PLCG1: variants seen among roughly 807,000 people sequenced by gnomAD.
PLCG1 encodes phospholipase C gamma 1, also known as 1-phosphatidylinositol 4,5-bisphosphate phosphodiesterase gamma-1.
PLCG1 carries 71 observed loss-of-function variants against 177.8 expected under a neutral mutation model. The ratio of observed to expected loss-of-function variants is 0.40; its 90% CI spans 0.33 to 0.49. The LOEUF is 0.49. PLCG1 is among the 20% of genes least tolerant of loss of function. The pLI is 0.72. For synonymous variants in PLCG1, 658 were observed against 647.9 expected, an observed-to-expected ratio of 1.02 and a Z score of -0.24; for missense variants, 1,281 against 1,709.0, an observed-to-expected ratio of 0.75 and a Z score of 4.42.
chr20:41,168,680 AGCACATGTGTGTGT>A, intron 20 of PLCG1, 73 bp from the exon 21 acceptor site: 1 of 784,406 alleles, frequency 1.3e-6, no homozygotes, highest in Non-Finnish European at 2.2e-6. Flanking sequence ...GGGAAGCCCA[AGCACATGTGTGTGT>A]GCACATGAAG....
chr20:41,140,045 A>C (rs1434796255), intron 1 of PLCG1, among the ~76,000 whole-genome samples: 1 of 152,120 alleles, frequency 6.6e-6, no homozygotes, highest in East Asian at 1.9e-4. Flanking sequence ...ATCATGCCTC[A>C]TGTATTTGGG....
rs367909005 is a variant in PLCG1, at chr20:41,163,862, G to C, written c.1010+29G>C. The C allele has an allele frequency of 3.7e-5, 59 of 1,610,068 alleles. No individual in the cohort carries two copies. The highest frequency in any genetic ancestry group is 1.6e-4 in the Middle Eastern group (1 of 6,072). On this transcript the variant is annotated intron_variant, in intron 10 of 31. Transcript: ENST00000685551. The surrounding 1 kb of genome is among the most constrained non-coding windows in gnomAD (Gnocchi z 5.2). ...AGTGTGGCTCCTTCAGGCCCACCCA[G>C]CTTCTTCCCCAGGAGGGCCCATCTG...
Position 41,159,468 on chromosome 20 carries a change from T to C in PLCG1, c.218-138T>C. ...CAACCCAGCCCTCTTATTACCAGAG[T>C]GACTGAGTGGTCTTGGCTCTGCCTC... On this transcript the variant is annotated intron_variant, in intron 1 of 31. Coordinates refer to ENST00000685551, the MANE Select transcript of PLCG1 (RefSeq NM_002660.3). This position sits in a 1 kb window ranked among gnomAD's most constrained non-coding sequence, Gnocchi z 6.0. The C allele has an allele frequency of 1.3e-6, 1 of 772,914 alleles. No homozygotes were observed. The highest frequency in any genetic ancestry group is 1.8e-5 in the South Asian group (1 of 54,178). The allele number at this position is 772,914 out of a possible 1,614,324, so 47.9% of individuals were successfully genotyped here.
chr20:41,150,508 C>CA lies in PLCG1; in HGVS notation c.218-9097dup, dbSNP rs2035133428. ...GGCCATCTAGAAAGAACTTAGGCAG[C>CA]ATCAGTCTGCAAGGGAGGCAGAGTT... On this transcript the variant is annotated intron_variant, in intron 1 of 31. Coordinates refer to ENST00000685551, the MANE Select transcript of PLCG1 (RefSeq NM_002660.3). The surrounding 1 kb of genome is among the most constrained non-coding windows in gnomAD (Gnocchi z 4.0). 6.6e-6 allele frequency among the ~76,000 whole-genome samples: 1 copy of CA among 152,198 alleles called. No individual in the cohort carries two copies. The highest frequency in any genetic ancestry group is 2.4e-5 in the African/African-American group (1 of 41,518).
Position 41,172,029 on chromosome 20 carries a change from G to C in PLCG1, c.2809-164G>C, listed in dbSNP as rs2035917529. ...TGATTTCAGGATGAGGCTGAGGACAGAGCTCCCTCATTTACTGTTGGGTGT... is the reference window on the plus strand; with the variant it reads ...TGATTTCAGGATGAGGCTGAGGACACAGCTCCCTCATTTACTGTTGGGTGT... On this transcript the variant is annotated intron_variant, in intron 24 of 31. Transcript: ENST00000685551. The surrounding 1 kb of genome is among the most constrained non-coding windows in gnomAD (Gnocchi z 7.0). Among the ~76,000 whole-genome samples, 1 of 152,228 alleles carries C rather than the reference G, an allele frequency of 6.6e-6. No individual in the cohort carries two copies. Among genetic ancestry groups the C allele is most frequent in the Non-Finnish European group, 1.5e-5 (1 of 68,048 alleles).
In PLCG1 at chr20:41,165,701, G is replaced by T. The variant is rs2035661251; in HGVS notation, c.1674G>T (p.Gly558=). The part of the protein sequence containing the change: ...EKWFHGKLGA[G]RDGRHIAERL... ...GGTTCCATGGGAAGCTAGGGGCAGG[G>T]CGTGACGGGCGTCACATCGCTGAGC... Residue 558 remains glycine (G), a synonymous_variant, in exon 16 of 32, where the codon GGG becomes GGT. Coordinates refer to ENST00000685551, the MANE Select transcript of PLCG1 (RefSeq NM_002660.3). The surrounding 1 kb of genome is among the most constrained non-coding windows in gnomAD (Gnocchi z 6.6). 6.2e-7 allele frequency: 1 copy of T among 1,613,956 alleles called. No homozygotes were observed. The highest frequency in any genetic ancestry group is 8.5e-7 in the Non-Finnish European group (1 of 1,179,948).
At position 41,174,481 on chromosome 20, in the gene PLCG1, C is replaced by T; in HGVS notation, c.3848C>T (p.Thr1283Ile). 1.3e-6 allele frequency: 2 copies of T among 1,586,776 alleles called. No homozygotes were observed. Among genetic ancestry groups the T allele is most frequent in the Non-Finnish European group, 1.7e-6 (2 of 1,164,422 alleles). The stretch of plus-strand genomic sequence containing the variant: ...CTTCTGTCCAGGGCCCCAAGAAGGA[C>T]TCGGGTCAATGGAGACAACCGCCTC... Reference protein sequence around the residue: ...DSRERRAPRRTRVNGDNRL With the variant: ...DSRERRAPRRIRVNGDNRL The change falls in exon 32 of 32, where the codon ACT becomes ATT. Residue 1283 changes from threonine to isoleucine, a missense_variant. Coordinates refer to ENST00000685551, the MANE Select transcript of PLCG1 (RefSeq NM_002660.3). This position sits in a 1 kb window ranked among gnomAD's most constrained non-coding sequence, Gnocchi z 5.8.
In PLCG1 at chr20:41,137,880, C is replaced by T. The variant is rs574240103; in HGVS notation, c.217+22C>T. 53 of 1,245,086 alleles carry T rather than the reference C, an allele frequency of 4.3e-5. 1 individual carries two copies. In the African/African-American group the frequency reaches 7.9e-4, roughly 19 times the overall value. 77.1% of individuals were successfully genotyped at this position (1,245,086 alleles called of 1,614,324 possible). On this transcript the variant is annotated intron_variant, in intron 1 of 31. Coordinates refer to ENST00000685551, the MANE Select transcript of PLCG1 (RefSeq NM_002660.3). The surrounding 1 kb of genome is among the most constrained non-coding windows in gnomAD (Gnocchi z 7.3). Reference sequence around the variant, plus strand: ...GCCAGTAAGTGCGCCCACTTCCTGCCTGGGCCCGCCCCGCGCGGGGGTCGT... The same window carrying T: ...GCCAGTAAGTGCGCCCACTTCCTGCTTGGGCCCGCCCCGCGCGGGGGTCGT...
Position 41,166,041 on chromosome 20 carries a change from G to T in PLCG1, c.1800-153G>T, listed in dbSNP as rs772525121. 7.0e-6 allele frequency among the ~76,000 whole-genome samples: 1 copy of T among 142,156 alleles called. No homozygotes were observed. Among genetic ancestry groups the T allele is most frequent in the Non-Finnish European group, 1.5e-5 (1 of 65,972 alleles). 93.3% of individuals were successfully genotyped at this position (142,156 alleles called of 152,430 possible). ...CGGTTCATTTGAAGCCCACACCTTTGGTTCATGTGACTGCCCACACCTGAG... is the reference window on the plus strand; with the variant it reads ...CGGTTCATTTGAAGCCCACACCTTTTGTTCATGTGACTGCCCACACCTGAG... On this transcript the variant is annotated intron_variant, in intron 16 of 31. Transcript: ENST00000685551. This position sits in a 1 kb window ranked among gnomAD's most constrained non-coding sequence, Gnocchi z 8.6.
At chr20:41,171,586 CAA>C (rs71844995) in intron 24 of PLCG1, among the ~76,000 whole-genome samples, 3,871 of 63,818 alleles carry the variant, frequency 0.061, 20 homozygotes, top group Middle Eastern at 0.1. Flanking sequence ...GACTCTGTCT[CAA>C]AAAAAAAAAA....
chr20:41,171,335 C>A (rs35931199), intron 24 of PLCG1, among the ~76,000 whole-genome samples: 202 of 152,190 alleles, frequency 1.3e-3, no homozygotes, highest in African/African-American at 4.5e-3. Flanking sequence ...GCCTGTAATC[C>A]CAGCACTTTG....
rs1244632209 is a variant in PLCG1, at chr20:41,167,234, C to T, written c.2301+375C>T. ...TACCCAAGAGTGGTTGTGGAGCCTCCGCCTGGTGGATGGTATGGAGGGCAG... is the reference window on the plus strand; with the variant it reads ...TACCCAAGAGTGGTTGTGGAGCCTCTGCCTGGTGGATGGTATGGAGGGCAG... On this transcript the variant is annotated intron_variant, in intron 19 of 31. Coordinates refer to ENST00000685551, the MANE Select transcript of PLCG1 (RefSeq NM_002660.3). This position sits in a 1 kb window ranked among gnomAD's most constrained non-coding sequence, Gnocchi z 4.4. 6.6e-6 allele frequency among the ~76,000 whole-genome samples: 1 copy of T among 152,092 alleles called. No homozygotes were observed. Among genetic ancestry groups the T allele is most frequent in the Non-Finnish European group, 1.5e-5 (1 of 68,024 alleles).
chr20:41,174,517 C>A lies in PLCG1; in HGVS notation c.*8C>A. ...GGAGACAACCGCCTCTAGTTGTACC[C>A]CAGCCTCGTTGGAGAGCAGCAGGTG... On this transcript the variant is annotated 3_prime_UTR_variant, in exon 32 of 32. Transcript: ENST00000685551. This position sits in a 1 kb window ranked among gnomAD's most constrained non-coding sequence, Gnocchi z 5.8. The A allele has an allele frequency of 6.3e-7, 1 of 1,581,868 alleles. No homozygotes were observed. Among genetic ancestry groups the A allele is most frequent in the East Asian group, 2.3e-5 (1 of 43,274 alleles).
At position 41,150,827 on chromosome 20, in the gene PLCG1, C is replaced by G. The variant is rs550487455; in HGVS notation, c.218-8779C>G. Among the ~76,000 whole-genome samples the G allele has an allele frequency of 2.0e-5, 3 of 152,318 alleles. No individual in the cohort carries two copies. The South Asian group carries it at 6.2e-4, about 32-fold the overall frequency. On this transcript the variant is annotated intron_variant, in intron 1 of 31. Coordinates refer to ENST00000685551, the MANE Select transcript of PLCG1 (RefSeq NM_002660.3). This position sits in a 1 kb window ranked among gnomAD's most constrained non-coding sequence, Gnocchi z 4.0. ...ACTCCAAGACATTGCTCTACACACA[C>G]TCAGCTCCACAGACACCTCCCTGTT...
In PLCG1 at chr20:41,173,394, C is replaced by T. The variant is rs375032510; in HGVS notation, c.3280-26C>T. ...ATTGGAGGGAGCAGGAAGGACAATC[C>T]CAGGCCCTTCTTTGTCTGCCTACAG... On this transcript the variant is annotated intron_variant, in intron 27 of 31. Coordinates refer to ENST00000685551, the MANE Select transcript of PLCG1 (RefSeq NM_002660.3). This position sits in a 1 kb window ranked among gnomAD's most constrained non-coding sequence, Gnocchi z 6.2. The T allele has an allele frequency of 1.3e-5, 20 of 1,550,062 alleles. No individual in the cohort carries two copies. The highest frequency in any genetic ancestry group is 2.1e-4 in the Middle Eastern group (1 of 4,858).
In PLCG1 at chr20:41,165,414, AC is replaced by A. The variant is rs781130707; in HGVS notation, c.1510-33del. ...GGGTGGTAGGCCAGTGGGTGTGAGG[AC>A]CCTGGCTCACAAGTCCCTCTTTGGT... On this transcript the variant is annotated intron_variant, in intron 14 of 31. Transcript: ENST00000685551. The surrounding 1 kb of genome is among the most constrained non-coding windows in gnomAD (Gnocchi z 6.6). The A allele has an allele frequency of 6.2e-7, 1 of 1,613,372 alleles. No individual in the cohort carries two copies. The highest frequency in any genetic ancestry group is 8.5e-7 in the Non-Finnish European group (1 of 1,179,482).
In PLCG1 at chr20:41,173,688, C is replaced by T; in HGVS notation, c.3431C>T (p.Pro1144Leu). Residue 1144 changes from proline to leucine, a missense_variant, in exon 29 of 32, where the codon CCC becomes CTC. Coordinates refer to ENST00000685551, the MANE Select transcript of PLCG1 (RefSeq NM_002660.3). This position sits in a 1 kb window ranked among gnomAD's most constrained non-coding sequence, Gnocchi z 6.2. ...NGLNPVWPAK[P>L]FHFQISNPEF... is the part of the protein sequence containing the mutation. ...CTCAACCCTGTATGGCCAGCCAAGC[C>T]CTTCCACTTCCAGATCAGTAACCCT... The T allele has an allele frequency of 6.2e-7, 1 of 1,614,190 alleles. No homozygotes were observed.
In PLCG1 at chr20:41,167,578, A is replaced by G. The variant is rs528970337; in HGVS notation, c.2302-274A>G. 149 of 478,300 alleles carry G rather than the reference A, an allele frequency of 3.1e-4. 2 individuals carry two copies. The highest frequency in any genetic ancestry group is 2.7e-3 in the African/African-American group (136 of 51,182). The allele number at this position is 478,300 out of a possible 1,614,324, so 29.6% of individuals were successfully genotyped here. ...GTCTGTGAAGGGCCCACCTGCACAT[A>G]GCTCAGAAATACTTGGGAGTTTGGG... On this transcript the variant is annotated intron_variant, in intron 19 of 31. Transcript: ENST00000685551. The surrounding 1 kb of genome is among the most constrained non-coding windows in gnomAD (Gnocchi z 4.4).
Position 41,166,041 on chromosome 20 carries a change from GGTTCATGTGACT to G in PLCG1, c.1800-151_1800-140del. The stretch of plus-strand genomic sequence containing the variant: ...CGGTTCATTTGAAGCCCACACCTTT[GGTTCATGTGACT>G]GCCCACACCTGAGCTCCTCAGGAGA... On this transcript the variant is annotated intron_variant, in intron 16 of 31. Transcript: ENST00000685551. The surrounding 1 kb of genome is among the most constrained non-coding windows in gnomAD (Gnocchi z 8.6). Among the ~76,000 whole-genome samples, 1 of 142,156 alleles carries G rather than the reference GGTTCATGTGACT, an allele frequency of 7.0e-6. No homozygotes were observed. Among genetic ancestry groups the G allele is most frequent in the Non-Finnish European group, 1.5e-5 (1 of 65,972 alleles). 93.3% of individuals were successfully genotyped at this position (142,156 alleles called of 152,430 possible). A position where few individuals can be genotyped will look rare whatever the true frequency, so the allele number is the denominator to read the frequency against.
Sources: gnomAD v4.1 joint callset for allele counts (sites outside exome capture counted in the v4.1 genomes callset) on GRCh38, gnomAD v4.1.1 for gene constraint, Gnocchi (gnomAD v3.1) non-coding constraint, MANE v1.5 for transcripts, NCBI Gene and HGNC (gene_info 2026-07-23, HGNC 2026-07-21) for gene names.